Variants in ZNF813 observed in about 807,000 individuals in gnomAD.
The protein encoded by ZNF813 is zinc finger protein 813.
In ZNF813, 3 loss-of-function variants were observed where a neutral mutation model predicts 7.2. That is an observed-to-expected ratio of 0.42 (90% CI 0.19 to 1.08). The LOEUF is 1.08. Ranked by LOEUF, ZNF813 falls within the 50% of genes least tolerant of loss-of-function variation. The pLI, the probability that ZNF813 is intolerant of heterozygous loss-of-function variation, is 0.30. For synonymous variants in ZNF813, 227 were observed against 256.3 expected (o/e 0.89, Z 1.09); for missense variants, 714 against 753.3 (o/e 0.95, Z 0.61).
chr19:53,482,198 G>T (rs892308207), intron 1 of ZNF813, among the ~76,000 whole-genome samples: 3 of 152,080 alleles, frequency 2.0e-5, no homozygotes, highest in Non-Finnish European at 4.4e-5. Flanking sequence ...AAATAAAAAA[G>T]AATAAAAAAA....
intron 1 of ZNF813, among the ~76,000 whole-genome samples, chr19:53,471,335 A>G (rs1342997694): frequency 6.6e-6 from 1 of 152,206 alleles, no homozygotes; most frequent in South Asian, 2.1e-4. Context: ...TTTAGAGAAG[A>G]GAAACAGGAG....
Position 53,488,019 on chromosome 19 carries a change from C to T in ZNF813, c.142+1261C>T, listed in dbSNP as rs1483738133. ...GTATCTGTACTTTTATTTGCCTATT[C>T]ATTTATTTATTTATTTGTTGGTGAG... On this transcript the variant is annotated intron_variant, in intron 3 of 3. Coordinates refer to ENST00000396403, the MANE Select transcript of ZNF813 (RefSeq NM_001004301.4). Among the ~76,000 whole-genome samples, 6 of 152,094 alleles carry T rather than the reference C, an allele frequency of 3.9e-5. No individual in the cohort carries two copies. In the East Asian group the frequency reaches 5.8e-4, roughly 15 times the overall value.
At chr19:53,487,797 C>A (rs1201020711) in intron 3 of ZNF813, among the ~76,000 whole-genome samples, 118 of 129,998 alleles carry the variant, frequency 9.1e-4, no homozygotes, top group Admixed American at 1.2e-3. Context: ...GACTCTGTCT[C>A]AAAAAAAAAA....
At position 53,488,308 on chromosome 19, in the gene ZNF813, C is replaced by T. The variant is rs536177735; in HGVS notation, c.142+1550C>T. The T allele has an allele frequency of 1.1e-4, 50 of 450,254 alleles. 1 individual carries two copies. Among genetic ancestry groups the T allele is most frequent in the South Asian group, 7.8e-4 (50 of 63,770 alleles). 27.9% of individuals were successfully genotyped at this position (450,254 alleles called of 1,614,324 possible). On this transcript the variant is annotated intron_variant, in intron 3 of 3. Transcript: ENST00000396403. ...AAACTGCTGCGATTACAGGTGTGAACCACCGCGCCCTGCCTGTCTGTCTTT... is the reference window on the plus strand; with the variant it reads ...AAACTGCTGCGATTACAGGTGTGAATCACCGCGCCCTGCCTGTCTGTCTTT...
At chr19:53,476,791 G>A (rs2086384047) in intron 1 of ZNF813, among the ~76,000 whole-genome samples, 1 of 152,044 alleles carries the variant, frequency 6.6e-6, no homozygotes, top group Non-Finnish European at 1.5e-5. Context: ...AGCCTTCTGA[G>A]TAGCTGGGAC....
At chr19:53,483,053 C>A (rs970238614) in intron 1 of ZNF813, among the ~76,000 whole-genome samples, 2 of 152,072 alleles carry the variant, frequency 1.3e-5, no homozygotes, top group Non-Finnish European at 2.9e-5. Context: ...GCTGGGATTA[C>A]AGACACCCAC....
intron 1 of ZNF813, among the ~76,000 whole-genome samples, chr19:53,470,232 T>C (rs1398697578): frequency 1.3e-5 from 2 of 152,090 alleles, no homozygotes; most frequent in Non-Finnish European, 2.9e-5. Flanking sequence ...GCCCATTCCT[T>C]TGGCTTCGAC....
chr19:53,490,326 T>C, intron 3 of ZNF813, 49 bp from the exon 4 acceptor site: 4 of 1,574,886 alleles, frequency 2.5e-6, no homozygotes, highest in Non-Finnish European at 3.5e-6. Context: ...TTCAGTATTA[T>C]TTACCATCTG....
rs750712416 is a variant in ZNF813 at position 53,491,404 on chromosome 19, C to A, written c.1172C>A (p.Thr391Asn). 2.5e-6 allele frequency: 4 copies of A among 1,613,390 alleles called. No individual in the cohort carries two copies. Among genetic ancestry groups the A allele is most frequent in the Non-Finnish European group, 3.4e-6 (4 of 1,179,862 alleles). ...KPYKCNECGK[T>N]FSQELTLKCH... is the part of the protein sequence containing the mutation. ...TATAAGTGTAATGAATGTGGCAAGACCTTCAGTCAGGAGTTAACCCTTAAA... is the reference window on the plus strand; with the variant it reads ...TATAAGTGTAATGAATGTGGCAAGAACTTCAGTCAGGAGTTAACCCTTAAA... Residue 391 changes from threonine (T) to asparagine (N), a missense_variant, in exon 4 of 4, where the codon ACC (threonine) becomes AAC (asparagine). Thr to Asn is a moderately conservative substitution (Grantham distance 65). Coordinates refer to ENST00000396403, the MANE Select transcript of ZNF813 (RefSeq NM_001004301.4).
At chr19:53,478,013 A>G (rs972508714) in intron 1 of ZNF813, among the ~76,000 whole-genome samples, 4 of 152,140 alleles carry the variant, frequency 2.6e-5, no homozygotes, top group African/African-American at 9.7e-5. Context: ...CTTGGCATAG[A>G]GGTCAGCTTC....
In ZNF813 at chr19:53,490,591, C is replaced by G. The variant is rs1201139166; in HGVS notation, c.359C>G (p.Thr120Ser). 8 of 1,614,166 alleles carry G rather than the reference C, an allele frequency of 5.0e-6. No individual in the cohort carries two copies. Among genetic ancestry groups the G allele is most frequent in the Non-Finnish European group, 5.9e-6 (7 of 1,180,036 alleles). The change falls in exon 4 of 4, where the codon ACT becomes AGT. Residue 120 changes from threonine (T) to serine (S), a missense_variant. Physicochemically the swap from Thr to Ser is moderately conservative, Grantham distance 58. This residue lies in a region of ZNF813 where 563 missense variants were observed against 554.2 expected (regional missense o/e 1.02). Coordinates refer to ENST00000396403, the MANE Select transcript of ZNF813 (RefSeq NM_001004301.4). ...CCCATGACAGAAATCAAAAAGTTGA[C>G]TGGTAGTGCAGACCGATATGATCAA... The part of the protein sequence containing the change: ...EAPMTEIKKL[T>S]GSADRYDQRH...
chr19:53,481,940 T>C (rs2086410374), intron 1 of ZNF813, among the ~76,000 whole-genome samples: 4 of 152,084 alleles, frequency 2.6e-5, no homozygotes. Flanking sequence ...TAAGAAGAAT[T>C]CAGGCACACA....
rs1217232154 is a variant in ZNF813, at chr19:53,486,511, C to T, written c.16-121C>T. 10 of 1,576,856 alleles carry T rather than the reference C, an allele frequency of 6.3e-6. No individual in the cohort carries two copies. In the East Asian group the frequency reaches 6.7e-5, roughly 11 times the overall value. Reference sequence around the variant, plus strand: ...AAAATGTGGTGAAGAACCCCTTACTCGGATTTGTCAGAACATTCACTGCAA... The same window carrying T: ...AAAATGTGGTGAAGAACCCCTTACTTGGATTTGTCAGAACATTCACTGCAA... On this transcript the variant is annotated intron_variant, in intron 2 of 3. Coordinates refer to ENST00000396403, the MANE Select transcript of ZNF813 (RefSeq NM_001004301.4).
rs1322315188 is a variant in ZNF813 at position 53,496,010 on chromosome 19, T to C, written c.*3924T>C. Reference sequence around the variant, plus strand: ...TCAGGTACGACTCCAAAAGGAGACATTGGAGAAGAACGAAGCGGGGTCTAT... The same window carrying C: ...TCAGGTACGACTCCAAAAGGAGACACTGGAGAAGAACGAAGCGGGGTCTAT... On this transcript the variant is annotated 3_prime_UTR_variant, in exon 4 of 4. Transcript: ENST00000396403. The C allele has an allele frequency of 1.1e-5, 4 of 361,814 alleles. No individual in the cohort carries two copies. The East Asian group carries it at 2.3e-4, about 21-fold the overall frequency. The allele number at this position is 361,814 out of a possible 1,614,324, so 22.4% of individuals were successfully genotyped here.
At chr19:53,484,284 G>C (rs2708796) in intron 2 of ZNF813, among the ~76,000 whole-genome samples, 8 of 152,124 alleles carry the variant, frequency 5.3e-5, no homozygotes, top group Middle Eastern at 3.4e-3. Context: ...TGATTTTATA[G>C]TACATTTTTA....
At chr19:53,476,954 G>A (rs952535024) in intron 1 of ZNF813, among the ~76,000 whole-genome samples, 2 of 152,148 alleles carry the variant, frequency 1.3e-5, no homozygotes, top group African/African-American at 2.4e-5. Context: ...AAGCCACCGC[G>A]CCTGGCTGTG....
chr19:53,473,692 C>T (rs148679639), intron 1 of ZNF813, among the ~76,000 whole-genome samples: 125 of 152,336 alleles, frequency 8.2e-4, no homozygotes, highest in Middle Eastern at 3.4e-3. Flanking sequence ...TCAGACTTAT[C>T]GGCATTCTTT....
At chr19:53,486,217 A>G (rs2086433078) in intron 2 of ZNF813, among the ~76,000 whole-genome samples, 1 of 152,100 alleles carries the variant, frequency 6.6e-6, no homozygotes, top group Admixed American at 6.6e-5. Context: ...CAGCACTTTG[A>G]GAGGCTGAGG....
chr19:53,482,836 T>TGCCTCA (rs1296466659), intron 1 of ZNF813, among the ~76,000 whole-genome samples: 1 of 151,174 alleles, frequency 6.6e-6, no homozygotes, highest in Non-Finnish European at 1.5e-5. Flanking sequence ...GTGATTCTTG[T>TGCCTCA]GCCTCAGCCT....
Sources: gnomAD v4.1 joint callset for allele counts (sites outside exome capture counted in the v4.1 genomes callset) on GRCh38, gnomAD v4.1.1 for gene constraint, gnomAD v4.1.1 regional missense constraint, MANE v1.5 for transcripts, NCBI Gene and HGNC (gene_info 2026-07-23, HGNC 2026-07-21) for gene names.